Variants in ZNF384 observed in about 807,000 individuals in gnomAD.
The protein encoded by ZNF384 is zinc finger protein 384, also known as CAG repeat protein 1.
Under a neutral mutation model 65.0 loss-of-function variants are expected in ZNF384, and 20 were observed. The observed-to-expected ratio is 0.31, with a 90% CI of 0.22 to 0.45. The LOEUF is 0.45. ZNF384 is among the 20% of genes least tolerant of loss of function. The pLI, the probability that ZNF384 is intolerant of heterozygous loss-of-function variation, is 1.00. For missense variants in ZNF384, 549 were observed against 769.4 expected, an observed-to-expected ratio of 0.71 and a Z score of 3.39; for synonymous variants, 310 against 303.9, an observed-to-expected ratio of 1.02 and a Z score of -0.21.
chr12:6,685,024 C>G lies in ZNF384; in HGVS notation c.-6+3143G>C, dbSNP rs1957389146. The stretch of plus-strand genomic sequence containing the variant: ...CTGATGTTACACAGAAAACTCATGT[C>G]TACACAGAGAGTGCCAATTTTAATG... On this transcript the variant is annotated intron_variant, in intron 2 of 11. Coordinates refer to ENST00000683879, the MANE Select transcript of ZNF384 (RefSeq NM_001385745.1). Among the ~76,000 whole-genome samples, 3 of 152,182 alleles carry G rather than the reference C, an allele frequency of 2.0e-5. No individual in the cohort carries two copies. In the South Asian group the frequency reaches 6.2e-4, roughly 31 times the overall value.
rs748392729 is a variant in ZNF384, at chr12:6,666,634, T to TAA, written c.*1078_*1079dup. 4 of 133,984 alleles carry TAA rather than the reference T, an allele frequency of 3.0e-5. No individual in the cohort carries two copies. Among genetic ancestry groups the TAA allele is most frequent in the East Asian group, 1.7e-4 (1 of 6,044 alleles). The allele number at this position is 133,984 out of a possible 1,614,324, so 8.3% of individuals were successfully genotyped here. A position where few individuals can be genotyped will look rare whatever the true frequency, so the allele number is the denominator to read the frequency against. On this transcript the variant is annotated 3_prime_UTR_variant, in exon 12 of 12. Transcript: ENST00000683879. The stretch of plus-strand genomic sequence containing the variant: ...CTTTCCTCTGAAATCTGCCATGATT[T>TAA]AAAAAAAAAAAAAAAAGACAAAAAG...
chr12:6,666,834 T>G lies in ZNF384; in HGVS notation c.*880A>C, dbSNP rs1210598730. The G allele has an allele frequency of 5.7e-6, 1 of 176,078 alleles. No homozygotes were observed. Among genetic ancestry groups the G allele is most frequent in the Non-Finnish European group, 1.2e-5 (1 of 82,280 alleles). 10.9% of individuals were successfully genotyped at this position (176,078 alleles called of 1,614,324 possible). A position where few individuals can be genotyped will look rare whatever the true frequency, so the allele number is the denominator to read the frequency against. On this transcript the variant is annotated 3_prime_UTR_variant, in exon 12 of 12. Transcript: ENST00000683879. ...ATATTTATATATATATATTTATATA[T>G]AAATCCGTGTCCGGCATCTGACTGT...
rs1365547523 is a variant in ZNF384, at chr12:6,682,411, C to T, written c.-5-2886G>A. On this transcript the variant is annotated intron_variant, in intron 2 of 11. Coordinates refer to ENST00000683879, the MANE Select transcript of ZNF384 (RefSeq NM_001385745.1). ...CGGTGGCTCATGTGTGTAATCCCAG[C>T]GCTTTGAGAGGCTGAGGTGGACAGA... 7.2e-5 allele frequency among the ~76,000 whole-genome samples: 11 copies of T among 152,142 alleles called. 1 individual carries two copies. The East Asian group carries it at 2.1e-3, about 29-fold the overall frequency.
rs1950205958 is a variant in ZNF384 at position 6,668,023 on chromosome 12, C to G, written c.1518G>C (p.Gln506His). ...QAAAAAAAVA[Q>H]AQAQAQAQAQ... is the part of the protein sequence containing the mutation. Reference sequence around the variant, plus strand: ...CCTGGGCTTGAGCTTGAGCCTGGGCCTGGGCCACTGCTGCCGCTGCTGCTG... The same window carrying G: ...CCTGGGCTTGAGCTTGAGCCTGGGCGTGGGCCACTGCTGCCGCTGCTGCTG... Residue 506 changes from glutamine to histidine, a missense_variant, in exon 12 of 12, where the codon CAG (glutamine) becomes CAC (histidine). By Grantham distance (24) the Gln-to-His change is conservative. This residue lies in a region of ZNF384 where 136 missense variants were observed against 183.0 expected (regional missense o/e 0.74). Coordinates refer to ENST00000683879, the MANE Select transcript of ZNF384 (RefSeq NM_001385745.1). 6.2e-7 allele frequency: 1 copy of G among 1,613,326 alleles called. No homozygotes were observed. Among genetic ancestry groups the G allele is most frequent in the Non-Finnish European group, 8.5e-7 (1 of 1,179,738 alleles).
At chr12:6,685,153 T>C (rs2137340160) in intron 2 of ZNF384, among the ~76,000 whole-genome samples, 1 of 152,080 alleles carries the variant, frequency 6.6e-6, no homozygotes, top group South Asian at 2.1e-4. Flanking sequence ...GGAGACCCTG[T>C]ATCTACAAAA....
At position 6,678,557 on chromosome 12, in the gene ZNF384, C is replaced by A; in HGVS notation, c.353-97G>T. 2.0e-6 allele frequency: 3 copies of A among 1,474,606 alleles called. No individual in the cohort carries two copies. Among genetic ancestry groups the A allele is most frequent in the Non-Finnish European group, 2.8e-6 (3 of 1,069,022 alleles). 91.3% of individuals were successfully genotyped at this position (1,474,606 alleles called of 1,614,324 possible). A position where few individuals can be genotyped will look rare whatever the true frequency, so the allele number is the denominator to read the frequency against. On this transcript the variant is annotated intron_variant, in intron 5 of 11. Coordinates refer to ENST00000683879, the MANE Select transcript of ZNF384 (RefSeq NM_001385745.1). This position sits in a 1 kb window ranked among gnomAD's most constrained non-coding sequence, Gnocchi z 4.9. ...AGATCATTGTCTAATTAACCCCTCA[C>A]CCCCCCGCCGACCCAACCCAGAGTA...
Position 6,672,562 on chromosome 12 carries a change from A to T in ZNF384, c.1005-30T>A, listed in dbSNP as rs1311498974. 1.9e-6 allele frequency: 3 copies of T among 1,605,930 alleles called. No homozygotes were observed. The South Asian group carries it at 3.3e-5, about 18-fold the overall frequency. ...CGGAGAGGAGAGGAGGGAAGGGGGG[A>T]GGAGGAAGCAGTTCGACACCAGGGG... On this transcript the variant is annotated intron_variant, in intron 8 of 11. Coordinates refer to ENST00000683879, the MANE Select transcript of ZNF384 (RefSeq NM_001385745.1). The surrounding 1 kb of genome is among the most constrained non-coding windows in gnomAD (Gnocchi z 4.4).
chr12:6,682,601 T>C (rs573479576), intron 2 of ZNF384, among the ~76,000 whole-genome samples: 51 of 152,052 alleles, frequency 3.4e-4, no homozygotes, highest in African/African-American at 1.1e-3. Context: ...TCAGTAGAGA[T>C]TGCAGTCCAG....
In ZNF384 at chr12:6,672,498, G is replaced by A; in HGVS notation, c.1039C>T (p.Pro347Ser). 6.2e-7 allele frequency: 1 copy of A among 1,614,140 alleles called. No homozygotes were observed. ...HSKMHTETIK[P>S]HKCPHCSKTF... is the part of the protein sequence containing the mutation. ...TTGGAGCAGTGCGGGCACTTGTGGG[G>A]CTTGATGGTCTCCGTGTGCATCTTG... The change falls in exon 9 of 12, where the codon CCC becomes TCC. Residue 347 changes from proline (P) to serine (S), a missense_variant. Pro to Ser is a moderately conservative substitution (Grantham distance 74, BLOSUM62 -1). Transcript: ENST00000683879. The surrounding 1 kb of genome is among the most constrained non-coding windows in gnomAD (Gnocchi z 4.4).
At chr12:6,670,385 A>C (rs754520802) in intron 10 of ZNF384, among the ~76,000 whole-genome samples, 34 of 152,124 alleles carry the variant, frequency 2.2e-4, no homozygotes, top group South Asian at 8.3e-4. Flanking sequence ...CCATGATAAC[A>C]CCACTGCACT....
rs1951797739 is a variant in ZNF384 at position 6,672,294 on chromosome 12, G to C, written c.1187+56C>G. ...CGGGTTGTTGTGTGTGTCCGGGGCG[G>C]GGGTGGGGAGGGCATGCCAGCGGGG... On this transcript the variant is annotated intron_variant, in intron 9 of 11. Transcript: ENST00000683879. The surrounding 1 kb of genome is among the most constrained non-coding windows in gnomAD (Gnocchi z 4.4). 6.4e-7 allele frequency: 1 copy of C among 1,551,218 alleles called. No individual in the cohort carries two copies. Among genetic ancestry groups the C allele is most frequent in the South Asian group, 1.2e-5 (1 of 83,528 alleles).
At chr12:6,684,697 C>T (rs527507870) in intron 2 of ZNF384, among the ~76,000 whole-genome samples, 7 of 152,240 alleles carry the variant, frequency 4.6e-5, no homozygotes, top group African/African-American at 1.7e-4. Context: ...CTATAAGCAA[C>T]CTTTACCAGC....
intron 2 of ZNF384, among the ~76,000 whole-genome samples, chr12:6,685,776 CAAAAAAAAA>C (rs778337408): frequency 5.8e-4 from 25 of 43,226 alleles, no homozygotes; most frequent in African/African-American, 1.8e-3. Flanking sequence ...GACTCAGTCT[CAAAAAAAAA>C]AAAAAAAAAA....
intron 2 of ZNF384, among the ~76,000 whole-genome samples, chr12:6,687,601 T>A (rs1333796462): frequency 6.6e-6 from 1 of 152,162 alleles, no homozygotes; most frequent in Non-Finnish European, 1.5e-5. Context: ...GTCTACTCCG[T>A]ACAGTTTTAT....
intron 9 of ZNF384, 66 bp from the exon 10 acceptor site, chr12:6,670,904 ATCT>A (rs1282055471): frequency 6.9e-7 from 1 of 1,458,626 alleles, no homozygotes; most frequent in Non-Finnish European, 9.6e-7. Context: ...GGCTCAACAA[ATCT>A]TCTCCAGGCC....
In ZNF384 at chr12:6,678,473, G is replaced by C. The variant is rs747171754; in HGVS notation, c.353-13C>G. The C allele has an allele frequency of 1.3e-6, 2 of 1,568,062 alleles. No individual in the cohort carries two copies. Among genetic ancestry groups the C allele is most frequent in the East Asian group, 4.7e-5 (2 of 42,974 alleles). On this transcript the variant is annotated splice_polypyrimidine_tract_variant and intron_variant, in intron 5 of 11. Coordinates refer to ENST00000683879, the MANE Select transcript of ZNF384 (RefSeq NM_001385745.1). This position sits in a 1 kb window ranked among gnomAD's most constrained non-coding sequence, Gnocchi z 4.9. ...ACCAAACCCGGACCTAGGATTGGGA[G>C]AAAAAGGAGATGGCGTCATGTTGTT...
intron 2 of ZNF384, among the ~76,000 whole-genome samples, chr12:6,686,896 A>G (rs1286886386): frequency 6.6e-6 from 1 of 152,254 alleles, no homozygotes; most frequent in African/African-American, 2.4e-5. Context: ...GAAATCATCT[A>G]CAAGTAGCAT....
At chr12:6,682,262 G>C (rs1956260110) in intron 2 of ZNF384, among the ~76,000 whole-genome samples, 1 of 151,942 alleles carries the variant, frequency 6.6e-6, no homozygotes, top group Non-Finnish European at 1.5e-5. Context: ...CAAGACTGCA[G>C]TGAGCTATGA....
At chr12:6,682,340 CAAAACAAAA>C (rs1956311210) in intron 2 of ZNF384, among the ~76,000 whole-genome samples, 1 of 141,950 alleles carries the variant, frequency 7.0e-6, no homozygotes, top group Non-Finnish European at 1.5e-5. Flanking sequence ...CAAAACAAAA[CAAAACAAAA>C]CAAAACAAAA....
Sources: gnomAD v4.1 joint callset for allele counts (sites outside exome capture counted in the v4.1 genomes callset) on GRCh38, gnomAD v4.1.1 for gene constraint, gnomAD v4.1.1 regional missense constraint, Gnocchi (gnomAD v3.1) non-coding constraint, MANE v1.5 for transcripts, NCBI Gene and HGNC (gene_info 2026-07-23, HGNC 2026-07-21) for gene names.